Variants in CCSER1 observed in about 807,000 individuals in gnomAD.
The protein encoded by CCSER1 is serine-rich coiled-coil domain-containing protein 1.
In CCSER1, 41 loss-of-function variants were observed where a neutral mutation model predicts 82.0. The observed-to-expected ratio is 0.50, with a 90% CI of 0.39 to 0.65. The LOEUF (loss-of-function observed/expected upper bound fraction) is 0.65, where lower values mean the gene tolerates loss of function less well. Ranked by LOEUF, CCSER1 falls within the 30% of genes least tolerant of loss-of-function variation. The pLI is 0.00. For synonymous variants in CCSER1, 414 were observed against 383.9 expected (o/e 1.08, Z -0.92); for missense variants, 1,119 against 1,064.2 (o/e 1.05, Z -0.72).
chr4:90,538,206 G>T (rs901959313), intron 5 of CCSER1, among the ~76,000 whole-genome samples: 3 of 152,078 alleles, frequency 2.0e-5, no homozygotes, highest in Admixed American at 2.0e-4. Flanking sequence ...TAGGGATGGG[G>T]CTGGGGGTTG....
At chr4:90,991,776 T>C (rs1264282273) in intron 9 of CCSER1, among the ~76,000 whole-genome samples, 1 of 152,034 alleles carries the variant, frequency 6.6e-6, no homozygotes, top group Non-Finnish European at 1.5e-5. Flanking sequence ...ACAACAAAAC[T>C]GTATGTTCCA....
chr4:90,414,253 A>G (rs187202882), intron 4 of CCSER1, among the ~76,000 whole-genome samples: 34 of 151,528 alleles, frequency 2.2e-4, no homozygotes, highest in Admixed American at 1.7e-3. Context: ...TTATTGTTTT[A>G]AATTCTAATA....
chr4:90,132,957 G>T (rs1397261206), intron 1 of CCSER1, among the ~76,000 whole-genome samples: 2 of 152,050 alleles, frequency 1.3e-5, no homozygotes, highest in Non-Finnish European at 2.9e-5. Context: ...TTCAAAATGT[G>T]GTGTCCTAAG....
intron 10 of CCSER1, among the ~76,000 whole-genome samples, chr4:91,434,720 C>T (rs1754542797): frequency 6.6e-6 from 1 of 151,996 alleles, no homozygotes; most frequent in Admixed American, 6.6e-5. Context: ...ATAATAGAGA[C>T]TAAGAGTATT....
chr4:91,274,182 ATTTT>A (rs550499082), intron 10 of CCSER1, among the ~76,000 whole-genome samples: 2 of 151,888 alleles, frequency 1.3e-5, no homozygotes, highest in Non-Finnish European at 2.9e-5. Flanking sequence ...TGACTTTTTA[ATTTT>A]TTTTATTTTT....
intron 10 of CCSER1, among the ~76,000 whole-genome samples, chr4:91,273,666 G>T (rs1011281771): frequency 6.6e-6 from 1 of 152,010 alleles, no homozygotes. Flanking sequence ...GTGAGAGTGG[G>T]CATCCTTGTC....
intron 8 of CCSER1, among the ~76,000 whole-genome samples, chr4:90,830,657 A>G (rs1481382043): frequency 6.6e-6 from 1 of 151,844 alleles, no homozygotes; most frequent in Non-Finnish European, 1.5e-5. Context: ...CACAATCCCT[A>G]CTCTATTTTG....
At chr4:90,351,264 T>C (rs1365712546) in intron 3 of CCSER1, among the ~76,000 whole-genome samples, 1 of 152,200 alleles carries the variant, frequency 6.6e-6, no homozygotes, top group East Asian at 1.9e-4. Context: ...GTGACATTTC[T>C]AATCAGCGGG....
At chr4:91,265,912 G>C (rs565856718) in intron 10 of CCSER1, among the ~76,000 whole-genome samples, 20 of 152,238 alleles carry the variant, frequency 1.3e-4, no homozygotes, top group African/African-American at 4.6e-4. Flanking sequence ...GTTTCACGTG[G>C]CTGGGGAGGC....
chr4:91,593,493 T>TTTTTTTTTTTTTTTTTTTC (rs1421860268), intron 10 of CCSER1, among the ~76,000 whole-genome samples: 1 of 146,416 alleles, frequency 6.8e-6, no homozygotes, highest in African/African-American at 2.5e-5. Context: ...TTTTTTTTTT[T>TTTTTTTTTTTTTTTTTTTC]AGTACAGACA....
chr4:91,046,899 G>A (rs1742552471), intron 9 of CCSER1, among the ~76,000 whole-genome samples: 1 of 151,966 alleles, frequency 6.6e-6, no homozygotes, highest in African/African-American at 2.4e-5. Context: ...TTGTATTTTA[G>A]TAGAGACAGG....
At chr4:91,155,803 A>G (rs749572061) in intron 10 of CCSER1, among the ~76,000 whole-genome samples, 1 of 151,972 alleles carries the variant, frequency 6.6e-6, no homozygotes, top group Non-Finnish European at 1.5e-5. Flanking sequence ...AAATTAATGT[A>G]ACATCGATAT....
intron 10 of CCSER1, among the ~76,000 whole-genome samples, chr4:91,595,952 A>AT: frequency 6.6e-6 from 1 of 151,256 alleles, no homozygotes; most frequent in Admixed American, 6.6e-5. Flanking sequence ...TTAAAAAAAA[A>AT]AAAAAAAAAA....
chr4:91,317,481 A>AG lies in CCSER1; in HGVS notation c.2217+231490dup, dbSNP rs1745913418. On this transcript the variant is annotated intron_variant, in intron 10 of 10. Coordinates refer to ENST00000509176, the MANE Select transcript of CCSER1 (RefSeq NM_001145065.2). ...TGCCCCACTCTTCATATATTATGGA[A>AG]GGGTAGGGCTCTCTGTTTTCTTTAC... Among the ~76,000 whole-genome samples, 3 of 152,082 alleles carry AG rather than the reference A, an allele frequency of 2.0e-5. No homozygotes were observed. In the South Asian group the frequency reaches 6.2e-4, roughly 31 times the overall value.
intron 5 of CCSER1, among the ~76,000 whole-genome samples, chr4:90,585,896 T>C (rs1781949295): frequency 1.3e-5 from 2 of 152,334 alleles, no homozygotes; most frequent in Admixed American, 6.5e-5. Context: ...CTATGTGACA[T>C]TATCGCATTT....
At chr4:91,257,383 C>T (rs1416412189) in intron 10 of CCSER1, among the ~76,000 whole-genome samples, 1 of 151,588 alleles carries the variant, frequency 6.6e-6, no homozygotes, top group Non-Finnish European at 1.5e-5. Context: ...AAGCTAAACT[C>T]AACATGAAAA....
intron 5 of CCSER1, among the ~76,000 whole-genome samples, chr4:90,585,501 G>A (rs1306650123): frequency 6.6e-6 from 1 of 152,082 alleles, no homozygotes; most frequent in Non-Finnish European, 1.5e-5. Context: ...GAAAACAAAT[G>A]ATTCAATATA....
intron 9 of CCSER1, among the ~76,000 whole-genome samples, chr4:90,995,852 AC>A (rs1273743115): frequency 6.6e-6 from 1 of 152,092 alleles, no homozygotes. Flanking sequence ...ACAACATGAT[AC>A]ATCTTTCTGA....
In CCSER1 at chr4:90,271,873, T is replaced by A. The variant is rs1311000120; in HGVS notation, c.-41-36371T>A. 3.5e-3 allele frequency among the ~76,000 whole-genome samples: 333 copies of A among 94,088 alleles called. 5 individuals carry two copies. Among genetic ancestry groups the A allele is most frequent in the East Asian group, 0.014 (36 of 2,492 alleles). 61.7% of individuals were successfully genotyped at this position (94,088 alleles called of 152,430 possible). On this transcript the variant is annotated intron_variant, in intron 1 of 10. Transcript: ENST00000509176. ...ATATATATATATATATTTTTTTTTT[T>A]TTTTTTTTTTTTTTTTTAAAAGGAG...
Sources: gnomAD v4.1 joint callset for allele counts (sites outside exome capture counted in the v4.1 genomes callset) on GRCh38, gnomAD v4.1.1 for gene constraint, MANE v1.5 for transcripts, NCBI Gene and HGNC (gene_info 2026-07-23, HGNC 2026-07-21) for gene names.